RAB22A: variants seen among roughly 807,000 people sequenced by gnomAD.
RAB22A encodes ras-related protein Rab-22A.
RAB22A carries 13 observed loss-of-function variants against 30.2 expected under a neutral mutation model. The ratio of observed to expected loss-of-function variants is 0.43; its 90% CI spans 0.28 to 0.68. The LOEUF is 0.68. Among genes scored for constraint, RAB22A ranks in the 30% least tolerant of loss-of-function variants. The pLI is 0.18. For missense variants in RAB22A, 177 were observed against 246.8 expected, an observed-to-expected ratio of 0.72 and a Z score of 1.89; for synonymous variants, 89 against 87.2, an observed-to-expected ratio of 1.02 and a Z score of -0.11.
intron 3 of RAB22A, among the ~76,000 whole-genome samples, chr20:58,349,486 A>C (rs1987008416): frequency 6.6e-6 from 1 of 152,214 alleles, no homozygotes; most frequent in African/African-American, 2.4e-5. Context: ...TTGACCCCCA[A>C]ATTGTGAATT....
intron 3 of RAB22A, among the ~76,000 whole-genome samples, chr20:58,346,504 C>G (rs1471779479): frequency 6.6e-6 from 1 of 152,254 alleles, no homozygotes; most frequent in African/African-American, 2.4e-5. Flanking sequence ...CCAGCTGGCT[C>G]CTTTCCCGTC....
chr20:58,363,314 G>A lies in RAB22A; in HGVS notation c.*3611G>A, dbSNP rs1051471778. On this transcript the variant is annotated 3_prime_UTR_variant, in exon 7 of 7. Transcript: ENST00000244040. ...AGAATACATCAAGGATGTGATTTAT[G>A]GGCCCTTAAGAGTATAAGATATAGG... 1 of 152,138 alleles carries A rather than the reference G, an allele frequency of 6.6e-6. No individual in the cohort carries two copies. Among genetic ancestry groups the A allele is most frequent in the Non-Finnish European group, 1.5e-5 (1 of 68,028 alleles). 9.4% of individuals were successfully genotyped at this position (152,138 alleles called of 1,614,324 possible).
At chr20:58,350,246 T>C (rs1680335959) in intron 3 of RAB22A, among the ~76,000 whole-genome samples, 1 of 152,160 alleles carries the variant, frequency 6.6e-6, no homozygotes, top group South Asian at 2.1e-4. Flanking sequence ...ATAGAACACA[T>C]TAATCAGAAG....
chr20:58,334,603 G>A (rs1460904805), intron 2 of RAB22A, among the ~76,000 whole-genome samples: 1 of 151,892 alleles, frequency 6.6e-6, no homozygotes, highest in Non-Finnish European at 1.5e-5. Flanking sequence ...GGTCATTGGA[G>A]ATGTCATGCG....
At chr20:58,333,893 C>T (rs1986701089) in intron 2 of RAB22A, among the ~76,000 whole-genome samples, 1 of 151,988 alleles carries the variant, frequency 6.6e-6, no homozygotes, top group South Asian at 2.1e-4. Context: ...CCTGTCTCTA[C>T]AAGAGAATGA....
intron 3 of RAB22A, among the ~76,000 whole-genome samples, chr20:58,345,060 A>G (rs1426651538): frequency 6.6e-6 from 1 of 152,106 alleles, no homozygotes; most frequent in Non-Finnish European, 1.5e-5. Context: ...AATCCTGAAT[A>G]TATCTGTAGA....
chr20:58,328,390 C>T (rs551613935), intron 2 of RAB22A, among the ~76,000 whole-genome samples: 2 of 152,138 alleles, frequency 1.3e-5, no homozygotes, highest in African/African-American at 4.8e-5. Context: ...GGCTATGTTG[C>T]CCAGGCTGGT....
intron 2 of RAB22A, among the ~76,000 whole-genome samples, chr20:58,329,656 A>C (rs140065587): frequency 6.6e-6 from 1 of 152,200 alleles, no homozygotes; most frequent in Non-Finnish European, 1.5e-5. Flanking sequence ...GGACATTTGC[A>C]TCCAAATTGT....
chr20:58,352,961 G>C (rs190830775), intron 3 of RAB22A, among the ~76,000 whole-genome samples: 3 of 152,244 alleles, frequency 2.0e-5, no homozygotes, highest in East Asian at 1.9e-4. Context: ...AAGGACTATT[G>C]AACAAATGAA....
At chr20:58,336,857 A>G (rs562334370) in intron 2 of RAB22A, among the ~76,000 whole-genome samples, 4 of 152,164 alleles carry the variant, frequency 2.6e-5, no homozygotes. Context: ...GGAGCCTTCT[A>G]TGTGGTCACC....
chr20:58,334,313 C>T (rs1986708746), intron 2 of RAB22A, among the ~76,000 whole-genome samples: 1 of 148,208 alleles, frequency 6.7e-6, no homozygotes, highest in Non-Finnish European at 1.5e-5. Context: ...GCAGCCTGGG[C>T]GACAAGAGCG....
At chr20:58,314,179 G>A (rs1250783444) in intron 2 of RAB22A, among the ~76,000 whole-genome samples, 1 of 151,550 alleles carries the variant, frequency 6.6e-6, no homozygotes, top group Non-Finnish European at 1.5e-5. Flanking sequence ...CTCCCATATA[G>A]TTGGGACTAT....
chr20:58,336,693 T>A (rs116939349), intron 2 of RAB22A, among the ~76,000 whole-genome samples: 6,085 of 152,324 alleles, frequency 0.04, 170 homozygotes, highest in Middle Eastern at 0.065. Context: ...GTACCTTTTT[T>A]AAAATATTTT....
At chr20:58,339,666 T>C (rs961078811) in intron 2 of RAB22A, among the ~76,000 whole-genome samples, 5 of 152,232 alleles carry the variant, frequency 3.3e-5, no homozygotes, top group African/African-American at 1.2e-4. Context: ...ACTTCGTTTC[T>C]GTTCTGTGGA....
intron 2 of RAB22A, among the ~76,000 whole-genome samples, chr20:58,325,310 C>T (rs1333559977): frequency 1.3e-5 from 2 of 152,092 alleles, no homozygotes; most frequent in South Asian, 2.1e-4. Context: ...AACCCCGTCT[C>T]TACCAAAAAT....
At chr20:58,350,411 C>T (rs1190812610) in intron 3 of RAB22A, among the ~76,000 whole-genome samples, 1 of 152,056 alleles carries the variant, frequency 6.6e-6, no homozygotes, top group Non-Finnish European at 1.5e-5. Context: ...GAAAATTTCC[C>T]GAATTTAGTG....
In RAB22A at chr20:58,353,295, A is replaced by G; in HGVS notation, c.221A>G (p.Tyr74Cys). The stretch of plus-strand genomic sequence containing the variant: ...CAGTTTCGTGCCTTAGCACCAATGT[A>G]CTATCGAGGGTCGGCTGCAGCTATA... ...QERFRALAPM[Y>C]YRGSAAAIIV... is the part of the protein sequence containing the mutation. Residue 74 changes from tyrosine (Y) to cysteine (C), a missense_variant, in exon 4 of 7, where the codon TAC (tyrosine) becomes TGC (cysteine). Physicochemically the swap from Tyr to Cys is radical, Grantham distance 194 (BLOSUM62 -2). Coordinates refer to ENST00000244040, the MANE Select transcript of RAB22A (RefSeq NM_020673.3). 1.2e-6 allele frequency: 2 copies of G among 1,614,118 alleles called. No homozygotes were observed. Among genetic ancestry groups the G allele is most frequent in the Non-Finnish European group, 8.5e-7 (1 of 1,179,982 alleles).
chr20:58,356,645 C>T (rs947597740), intron 6 of RAB22A, among the ~76,000 whole-genome samples: 4 of 152,214 alleles, frequency 2.6e-5, no homozygotes, highest in South Asian at 2.1e-4. Context: ...CTACACCCAA[C>T]GGTAACCATC....
intron 3 of RAB22A, 139 bp downstream of exon 3, chr20:58,343,938 C>G (rs538741510): frequency 1.7e-5 from 12 of 726,736 alleles, no homozygotes; most frequent in Non-Finnish European, 2.5e-5. Context: ...TTGCGTAGGC[C>G]AGCCTTTGCC....
Sources: gnomAD v4.1 joint callset for allele counts (sites outside exome capture counted in the v4.1 genomes callset) on GRCh38, gnomAD v4.1.1 for gene constraint, MANE v1.5 for transcripts, NCBI Gene and HGNC (gene_info 2026-07-23, HGNC 2026-07-21) for gene names.